NCOA2: variants seen among roughly 807,000 people sequenced by gnomAD.
The protein encoded by NCOA2 is nuclear receptor coactivator 2, also known as class E basic helix-loop-helix protein 75.
In NCOA2, 21 loss-of-function variants were observed where a neutral mutation model predicts 145.1. The observed-to-expected ratio is 0.14, with a 90% CI of 0.10 to 0.21. The LOEUF is 0.21. NCOA2 is among the 10% of genes least tolerant of loss of function. The pLI, the probability that NCOA2 is intolerant of heterozygous loss-of-function variation, is 1.00. For missense variants in NCOA2, 1,472 were observed against 1,837.6 expected, an observed-to-expected ratio of 0.80 and a Z score of 3.64; for synonymous variants, 619 against 637.5, an observed-to-expected ratio of 0.97 and a Z score of 0.44.
chr8:70,348,365 G>A (rs1402851665), intron 1 of NCOA2, among the ~76,000 whole-genome samples: 1 of 152,144 alleles, frequency 6.6e-6, no homozygotes, highest in Admixed American at 6.5e-5. Context: ...GTATATTTGG[G>A]CATTATTATG....
At chr8:70,344,857 A>C (rs1808476264) in intron 1 of NCOA2, among the ~76,000 whole-genome samples, 2 of 152,196 alleles carry the variant, frequency 1.3e-5, no homozygotes, top group African/African-American at 4.8e-5. Flanking sequence ...TAAACACTTA[A>C]GTGTCTCAAG....
intron 2 of NCOA2, among the ~76,000 whole-genome samples, chr8:70,227,540 G>GA (rs1276693692): frequency 1.1e-4 from 17 of 152,160 alleles, no homozygotes; most frequent in African/African-American, 3.9e-4. Context: ...AGTTTGGGGG[G>GA]ACCTCTGAAT....
chr8:70,368,875 G>C (rs1047701346), intron 1 of NCOA2, among the ~76,000 whole-genome samples: 2 of 152,052 alleles, frequency 1.3e-5, no homozygotes, highest in African/African-American at 4.8e-5. Flanking sequence ...CACTCCCTGT[G>C]GGAAAGTCTG....
intron 2 of NCOA2, among the ~76,000 whole-genome samples, chr8:70,269,738 G>A (rs1490672569): frequency 2.0e-4 from 31 of 152,178 alleles, no homozygotes; most frequent in Admixed American, 2.0e-3. Context: ...ATACATGTTT[G>A]CATTCCGACT....
In NCOA2 at chr8:70,121,347, C is replaced by G; in HGVS notation, c.4338G>C (p.Gln1446His). ...GCTTAATCATATCCATTCCAGGCAG[C>G]TGGTTTGGGAACAGGTTGCCTCCCC... ...ALRGGNLFPN[Q>H]LPGMDMIKQE... is the part of the protein sequence containing the mutation. The change falls in exon 22 of 23, where the codon CAG (glutamine) becomes CAC (histidine). Residue 1446 changes from glutamine to histidine, a missense_variant. Around this residue, in one of 4 missense-constraint regions of NCOA2, gnomAD observed 232 missense variants for 290.6 expected, o/e 0.80. Coordinates refer to ENST00000452400, the MANE Select transcript of NCOA2 (RefSeq NM_006540.4). The G allele has an allele frequency of 1.2e-6, 2 of 1,613,150 alleles. No individual in the cohort carries two copies. The highest frequency in any genetic ancestry group is 1.7e-6 in the Non-Finnish European group (2 of 1,179,502).
At chr8:70,221,012 A>G (rs1820087183) in intron 2 of NCOA2, among the ~76,000 whole-genome samples, 1 of 152,308 alleles carries the variant, frequency 6.6e-6, no homozygotes, top group Non-Finnish European at 1.5e-5. Flanking sequence ...AACGACACAG[A>G]AAGAGCTACT....
chr8:70,456,296 G>A, the NCOA2 span, among the ~76,000 whole-genome samples: 3 of 152,122 alleles, frequency 2.0e-5, no homozygotes, highest in South Asian at 4.1e-4. Flanking sequence ...AATTTAATTC[G>A]TCAGAGTGGA....
intron 2 of NCOA2, among the ~76,000 whole-genome samples, chr8:70,235,175 A>G (rs973575209): frequency 2.3e-4 from 35 of 152,240 alleles, no homozygotes; most frequent in African/African-American, 8.4e-4. Flanking sequence ...ATGTTAAAAC[A>G]TGGATGAACC....
chr8:70,407,632 C>T (rs796713765), upstream of NCOA2, among the ~76,000 whole-genome samples: 1 of 125,498 alleles, frequency 8.0e-6, no homozygotes, highest in East Asian at 2.2e-4. Flanking sequence ...ACTAAAAATA[C>T]AAAAAAAAAA....
chr8:70,157,264 A>T (rs1415639390), intron 10 of NCOA2, 24 bp from the exon 11 acceptor site: 1 of 1,499,082 alleles, frequency 6.7e-7, no homozygotes, highest in African/African-American at 1.4e-5. Flanking sequence ...AAAGAAAAAA[A>T]TGTAAGATAA....
intron 4 of NCOA2, among the ~76,000 whole-genome samples, chr8:70,194,253 TTTACATTC>T (rs1378233182): frequency 2.0e-5 from 3 of 152,224 alleles, no homozygotes; most frequent in African/African-American, 7.2e-5. Context: ...AAGTTCAGAT[TTTACATTC>T]TTTTCCAGAA....
chr8:70,404,096 T>A (rs1287683935), upstream of NCOA2, among the ~76,000 whole-genome samples: 1 of 148,860 alleles, frequency 6.7e-6, no homozygotes, highest in Non-Finnish European at 1.5e-5. Context: ...GGCCGCGGGG[T>A]CCGCAGCATC....
At chr8:70,451,229 A>ATATATATATATATATATAT in the NCOA2 span, among the ~76,000 whole-genome samples, 10 of 114,158 alleles carry the variant, frequency 8.8e-5, no homozygotes, top group African/African-American at 3.8e-4. Context: ...AAAAAAAAAA[A>ATATATATATATATATATAT]AAAAAAAAAT....
intron 1 of NCOA2, among the ~76,000 whole-genome samples, chr8:70,345,720 C>T (rs1808558239): frequency 6.6e-6 from 1 of 152,134 alleles, no homozygotes; most frequent in African/African-American, 2.4e-5. Context: ...GTCCAACACC[C>T]TCAAAAATGT....
At chr8:70,337,362 G>A (rs1807702512) in intron 1 of NCOA2, among the ~76,000 whole-genome samples, 1 of 152,056 alleles carries the variant, frequency 6.6e-6, no homozygotes, top group Non-Finnish European at 1.5e-5. Flanking sequence ...GTCTCACAAA[G>A]GAAAGAATTT....
intron 13 of NCOA2, among the ~76,000 whole-genome samples, chr8:70,143,312 T>C (rs1052198546): frequency 4.6e-5 from 7 of 152,276 alleles, no homozygotes; most frequent in African/African-American, 1.7e-4. Context: ...ACACCAGTGC[T>C]CTCTTGGCTG....
intron 4 of NCOA2, among the ~76,000 whole-genome samples, chr8:70,206,373 C>G (rs1292621973): frequency 6.6e-6 from 1 of 151,940 alleles, no homozygotes; most frequent in Non-Finnish European, 1.5e-5. Context: ...CCTTCTAAGT[C>G]TATTTAAATT....
At chr8:70,413,032 T>C in the NCOA2 span, among the ~76,000 whole-genome samples, 1 of 141,664 alleles carries the variant, frequency 7.1e-6, no homozygotes, top group East Asian at 2.1e-4. Context: ...CAGGAGGCAG[T>C]GGTTGCAGTG....
At chr8:70,157,363 A>G (rs1812411102) in intron 10 of NCOA2, 123 bp from the exon 11 acceptor site, 1 of 893,368 alleles carries the variant, frequency 1.1e-6, no homozygotes, top group South Asian at 2.2e-5. Context: ...TTAAGGATAG[A>G]TAATACTTTG....
Sources: gnomAD v4.1 joint callset for allele counts (sites outside exome capture counted in the v4.1 genomes callset) on GRCh38, gnomAD v4.1.1 for gene constraint, gnomAD v4.1.1 regional missense constraint, MANE v1.5 for transcripts, NCBI Gene and HGNC (gene_info 2026-07-23, HGNC 2026-07-21) for gene names.